Variants in ZNF367 observed in about 807,000 individuals in gnomAD.
The protein encoded by ZNF367 is C2H2 zinc finger protein ZFF29.
In ZNF367, 11 loss-of-function variants were observed where a neutral mutation model predicts 31.8. The ratio of observed to expected loss-of-function variants is 0.35; its 90% CI spans 0.22 to 0.57. The LOEUF is 0.57. Ranked by LOEUF, ZNF367 falls within the 20% of genes least tolerant of loss-of-function variation. The pLI is 0.85. For missense variants in ZNF367, 353 were observed against 484.1 expected, an observed-to-expected ratio of 0.73 and a Z score of 2.54; for synonymous variants, 199 against 202.4, an observed-to-expected ratio of 0.98 and a Z score of 0.14.
intron 2 of ZNF367, among the ~76,000 whole-genome samples, chr9:96,396,613 A>G (rs1231271916): frequency 6.6e-6 from 1 of 152,166 alleles, no homozygotes; most frequent in Non-Finnish European, 1.5e-5. Context: ...ATGAAAGACA[A>G]TATGAACCAC....
Position 96,417,898 on chromosome 9 carries a change from G to A in ZNF367, c.135C>T (p.Gly45=). ...IRTTPIKPTC[G]GGGEPEPPPP... is the part of the protein sequence containing the mutation. ...GCGGCGGCTCCGGCTCCCCTCCACC[G>A]CCGCACGTTGGCTTGATCGGGGTCG... The change falls in exon 1 of 5, where the codon GGC becomes GGT. Residue 45 remains glycine, a synonymous_variant. Transcript: ENST00000375256. The surrounding 1 kb of genome is among the most constrained non-coding windows in gnomAD (Gnocchi z 5.0). 6.8e-7 allele frequency: 1 copy of A among 1,470,404 alleles called. No individual in the cohort carries two copies. Among genetic ancestry groups the A allele is most frequent in the Admixed American group, 2.2e-5 (1 of 46,018 alleles). 91.1% of individuals were successfully genotyped at this position (1,470,404 alleles called of 1,614,324 possible).
At chr9:96,402,603 C>T (rs1394240017) in intron 1 of ZNF367, among the ~76,000 whole-genome samples, 3 of 148,668 alleles carry the variant, frequency 2.0e-5, no homozygotes, top group Non-Finnish European at 3.0e-5. Flanking sequence ...CAAGTGCCCA[C>T]CACCACGCCT....
chr9:96,413,158 T>C (rs992565793), intron 1 of ZNF367, among the ~76,000 whole-genome samples: 13 of 152,228 alleles, frequency 8.5e-5, no homozygotes, highest in Non-Finnish European at 1.3e-4. Flanking sequence ...CCACTTACCA[T>C]ACAATCTTAA....
intron 4 of ZNF367, among the ~76,000 whole-genome samples, chr9:96,389,896 A>ATTTTTT (rs777507011): frequency 2.1e-5 from 2 of 94,048 alleles, no homozygotes; most frequent in African/African-American, 4.5e-5. Flanking sequence ...TGCCTGGCTA[A>ATTTTTT]TTTTTTTTTT....
intron 1 of ZNF367, among the ~76,000 whole-genome samples, chr9:96,404,565 C>G (rs974130760): frequency 1.3e-5 from 2 of 151,226 alleles, no homozygotes; most frequent in Non-Finnish European, 2.9e-5. Flanking sequence ...TGCACTCCAG[C>G]CTGGGCAACA....
At chr9:96,404,822 C>G (rs542076322) in intron 1 of ZNF367, among the ~76,000 whole-genome samples, 93 of 151,938 alleles carry the variant, frequency 6.1e-4, no homozygotes, top group African/African-American at 1.9e-3. Context: ...AAAGGCCATC[C>G]TACAGAATGG....
chr9:96,403,070 A>T (rs750056810), intron 1 of ZNF367, among the ~76,000 whole-genome samples: 1 of 151,826 alleles, frequency 6.6e-6, no homozygotes, highest in Non-Finnish European at 1.5e-5. Flanking sequence ...CCCAGGTTCC[A>T]GCAATTCTCC....
intron 3 of ZNF367, 47 bp downstream of exon 3, chr9:96,394,776 T>C (rs374839591): frequency 6.4e-6 from 10 of 1,555,226 alleles, no homozygotes; most frequent in Non-Finnish European, 7.9e-6. Context: ...ATTTTAACTG[T>C]TAAGTCACAA....
At chr9:96,392,637 A>G (rs1364764739) in intron 3 of ZNF367, 101 bp from the exon 4 acceptor site, 8 of 1,464,416 alleles carry the variant, frequency 5.5e-6, no homozygotes, top group African/African-American at 2.8e-5. Flanking sequence ...GTAAATTAAT[A>G]TGGTGAAATT....
At chr9:96,407,339 A>C (rs1443749052) in intron 1 of ZNF367, 1 of 1,569,078 alleles carries the variant, frequency 6.4e-7, no homozygotes, top group Non-Finnish European at 8.8e-7. Context: ...TACCGTTTGG[A>C]TTACCATGAG....
intron 4 of ZNF367, among the ~76,000 whole-genome samples, chr9:96,389,303 A>G (rs990711706): frequency 7.0e-5 from 6 of 85,724 alleles, no homozygotes; most frequent in Admixed American, 4.8e-4. Context: ...CCGTTTCAAG[A>G]AAAAAAAAAA....
Position 96,394,822 on chromosome 9 carries a change from C to T in ZNF367, c.691+1G>A. On this transcript the variant is annotated splice_donor_variant, in intron 3 of 4. Coordinates refer to ENST00000375256, the MANE Select transcript of ZNF367 (RefSeq NM_153695.4). LOFTEE classifies it high-confidence loss of function. The stretch of plus-strand genomic sequence containing the variant: ...CATAAACTTAACTTCTAACACCGTA[C>T]CATTTTCTGAACAAACAAAAGGTTT... The T allele has an allele frequency of 6.2e-7, 1 of 1,613,608 alleles. No homozygotes were observed. Among genetic ancestry groups the T allele is most frequent in the Non-Finnish European group, 8.5e-7 (1 of 1,179,702 alleles).
intron 1 of ZNF367, among the ~76,000 whole-genome samples, chr9:96,410,283 T>C (rs1004205733): frequency 5.3e-4 from 68 of 128,168 alleles, no homozygotes; most frequent in African/African-American, 2.0e-3. Context: ...TAGGCCTGGC[T>C]GGGCGTGGTG....
intron 1 of ZNF367, among the ~76,000 whole-genome samples, chr9:96,416,187 C>T (rs924283970): frequency 6.6e-6 from 1 of 150,894 alleles, no homozygotes; most frequent in Admixed American, 6.6e-5. Flanking sequence ...TCCCGCTTCA[C>T]GCCATTCTCC....
rs61651699 is a variant in ZNF367, at chr9:96,402,619, A to ATT, written c.421-4307_421-4306dup. ...AAGTGCCCACCACCACGCCTGGCTA[A>ATT]TTTTTTTTTTTTTTTTTTTTTTTTT... On this transcript the variant is annotated intron_variant, in intron 1 of 4. Coordinates refer to ENST00000375256, the MANE Select transcript of ZNF367 (RefSeq NM_153695.4). 8.9e-3 allele frequency among the ~76,000 whole-genome samples: 622 copies of ATT among 70,202 alleles called. 38 individuals are homozygous for ATT. The highest frequency in any genetic ancestry group is 0.029 in the African/African-American group (449 of 15,420). The allele number at this position is 70,202 out of a possible 152,430, so 46.1% of individuals were successfully genotyped here. A position where few individuals can be genotyped will look rare whatever the true frequency, so the allele number is the denominator to read the frequency against.
At position 96,418,086 on chromosome 9, in the gene ZNF367, C is replaced by A. The variant is rs1302134185; in HGVS notation, c.-54G>T. 1.5e-6 allele frequency: 2 copies of A among 1,321,134 alleles called. No homozygotes were observed. The highest frequency in any genetic ancestry group is 3.1e-5 in the African/African-American group (2 of 64,796). The allele number at this position is 1,321,134 out of a possible 1,614,324, so 81.8% of individuals were successfully genotyped here. ...CCCCGGGCCGCACTCCTGAGCACCG[C>A]TCTGCCCCTCACTCGCTCTGCTCCG... is the stretch of plus-strand genomic sequence containing the variant. On this transcript the variant is annotated 5_prime_UTR_variant, in exon 1 of 5. Coordinates refer to ENST00000375256, the MANE Select transcript of ZNF367 (RefSeq NM_153695.4).
intron 2 of ZNF367, among the ~76,000 whole-genome samples, chr9:96,396,146 G>T (rs958832924): frequency 2.2e-4 from 33 of 152,218 alleles, no homozygotes; most frequent in African/African-American, 7.7e-4. Flanking sequence ...AGACATCTAG[G>T]CTGATGCCTG....
intron 2 of ZNF367, among the ~76,000 whole-genome samples, chr9:96,396,671 T>C (rs1012872245): frequency 7.3e-6 from 1 of 136,718 alleles, no homozygotes; most frequent in Non-Finnish European, 1.5e-5. Context: ...GTGAAATAAA[T>C]TTTTTTTTTT....
chr9:96,393,377 C>T (rs187852109), intron 3 of ZNF367, among the ~76,000 whole-genome samples: 52 of 151,524 alleles, frequency 3.4e-4, no homozygotes, highest in African/African-American at 1.2e-3. Context: ...AAAAATTAGC[C>T]GGACATGGTG....
Sources: gnomAD v4.1 joint callset for allele counts (sites outside exome capture counted in the v4.1 genomes callset) on GRCh38, gnomAD v4.1.1 for gene constraint, Gnocchi (gnomAD v3.1) non-coding constraint, MANE v1.5 for transcripts, NCBI Gene and HGNC (gene_info 2026-07-23, HGNC 2026-07-21) for gene names.